Variants in MCC observed in about 807,000 individuals in gnomAD.
MCC encodes colorectal mutant cancer protein.
Under a neutral mutation model 116.2 loss-of-function variants are expected in MCC, and 90 were observed. The observed-to-expected ratio is 0.77, with a 90% CI of 0.65 to 0.92. The LOEUF is 0.92. Ranked by LOEUF, MCC falls within the 40% of genes least tolerant of loss-of-function variation. The probability of loss-of-function intolerance (pLI) is 0.00; values close to 1 mark genes in which losing one functional copy is unlikely to be tolerated. For synonymous variants in MCC, 578 were observed against 510.5 expected, an observed-to-expected ratio of 1.13 and a Z score of -1.78; for missense variants, 1,516 against 1,312.2, an observed-to-expected ratio of 1.16 and a Z score of -2.40.
intron 1 of MCC, among the ~76,000 whole-genome samples, chr5:113,424,775 A>G (rs1043963277): frequency 2.6e-5 from 4 of 152,040 alleles, no homozygotes; most frequent in Non-Finnish European, 5.9e-5. Flanking sequence ...TTAACAAAAA[A>G]CTCTTAAAAA....
chr5:113,034,349 G>C (rs796651233), intron 17 of MCC, among the ~76,000 whole-genome samples: 2 of 152,334 alleles, frequency 1.3e-5, no homozygotes, highest in African/African-American at 4.8e-5. Context: ...AGCAAGCCTC[G>C]GAAGTGGTGC....
intron 3 of MCC, among the ~76,000 whole-genome samples, chr5:113,253,978 G>C (rs77255170): frequency 4.6e-5 from 7 of 152,252 alleles, no homozygotes; most frequent in African/African-American, 1.7e-4. Flanking sequence ...AGTAAATCCA[G>C]GAAGCCTAAC....
At chr5:113,339,654 T>C (rs879368143) in intron 3 of MCC, among the ~76,000 whole-genome samples, 8 of 152,320 alleles carry the variant, frequency 5.3e-5, no homozygotes, top group East Asian at 1.9e-4. Flanking sequence ...TTTCTGATGA[T>C]TGTATTTTAA....
At chr5:113,331,812 A>G (rs1049563729) in intron 3 of MCC, among the ~76,000 whole-genome samples, 2 of 151,218 alleles carry the variant, frequency 1.3e-5, no homozygotes, top group African/African-American at 4.9e-5. Context: ...TAATTTTTGT[A>G]TTATTAGTAG....
chr5:113,031,274 CGT>C (rs974602536), intron 17 of MCC, among the ~76,000 whole-genome samples: 3 of 152,142 alleles, frequency 2.0e-5, no homozygotes, highest in Admixed American at 1.3e-4. Context: ...CTGGAAGGAG[CGT>C]GTGTTTTTCC....
At chr5:113,463,958 C>T (rs936837935) in intron 1 of MCC, among the ~76,000 whole-genome samples, 25 of 152,212 alleles carry the variant, frequency 1.6e-4, no homozygotes, top group Admixed American at 1.2e-3. Flanking sequence ...GGTGGGAGAA[C>T]AGCAAGAAGA....
At chr5:113,134,386 G>A (rs553577953) in intron 5 of MCC, among the ~76,000 whole-genome samples, 42 of 152,164 alleles carry the variant, frequency 2.8e-4, no homozygotes, top group African/African-American at 1.0e-3. Flanking sequence ...CTGTAGATGA[G>A]TAGATTTATT....
chr5:113,362,213 G>T (rs552575982), intron 2 of MCC, among the ~76,000 whole-genome samples: 2 of 152,316 alleles, frequency 1.3e-5, no homozygotes, highest in South Asian at 4.1e-4. Flanking sequence ...CAGCTGGAGT[G>T]CTGTGGTTTC....
At chr5:113,092,138 G>A (rs1338837888) in intron 8 of MCC, among the ~76,000 whole-genome samples, 1 of 152,096 alleles carries the variant, frequency 6.6e-6, no homozygotes, top group Non-Finnish European at 1.5e-5. Flanking sequence ...AGGCATCCAC[G>A]CCCTAAACCC....
intron 1 of MCC, among the ~76,000 whole-genome samples, chr5:113,386,814 T>C (rs78792502): frequency 4.0e-5 from 6 of 149,710 alleles, no homozygotes; most frequent in African/African-American, 7.5e-5. Context: ...CATATACACA[T>C]ACACATATAT....
chr5:113,148,321 A>C (rs1258067644), intron 4 of MCC, among the ~76,000 whole-genome samples: 1 of 152,192 alleles, frequency 6.6e-6, no homozygotes, highest in Non-Finnish European at 1.5e-5. Flanking sequence ...CTTCCCCATC[A>C]CATTGGTATT....
intron 3 of MCC, among the ~76,000 whole-genome samples, chr5:113,316,404 G>A (rs180685380): frequency 2.6e-3 from 397 of 152,154 alleles, no homozygotes; most frequent in Non-Finnish European, 3.0e-3. Context: ...CAAATACCAA[G>A]AAAAAGAGAA....
At chr5:113,071,452 A>C (rs1463617522) in intron 11 of MCC, among the ~76,000 whole-genome samples, 1 of 152,170 alleles carries the variant, frequency 6.6e-6, no homozygotes, top group East Asian at 1.9e-4. Context: ...GGTTAAAAAT[A>C]AGCCCCCCAG....
intron 3 of MCC, among the ~76,000 whole-genome samples, chr5:113,229,924 T>G (rs1763881232): frequency 6.6e-6 from 1 of 152,180 alleles, no homozygotes; most frequent in Admixed American, 6.5e-5. Flanking sequence ...ACTGATCCCC[T>G]AACAACACAT....
intron 3 of MCC, among the ~76,000 whole-genome samples, chr5:113,273,842 T>C (rs574143110): frequency 6.6e-6 from 1 of 152,092 alleles, no homozygotes; most frequent in Non-Finnish European, 1.5e-5. Flanking sequence ...GTGAGCAATA[T>C]CAAGCCTGGA....
intron 3 of MCC, among the ~76,000 whole-genome samples, chr5:113,192,407 G>A (rs1268433257): frequency 6.6e-6 from 1 of 152,090 alleles, no homozygotes; most frequent in Non-Finnish European, 1.5e-5. Flanking sequence ...TCTCAACATG[G>A]GATTACATAT....
At chr5:113,085,364 A>C (rs902551320) in intron 8 of MCC, 54 bp from the exon 9 acceptor site, 19 of 1,539,844 alleles carry the variant, frequency 1.2e-5, no homozygotes, top group Non-Finnish European at 1.6e-5. Context: ...CTAAAGAGCA[A>C]AACAGCCAGA....
At chr5:113,352,762 C>T (rs1387758971) in intron 2 of MCC, among the ~76,000 whole-genome samples, 2 of 152,012 alleles carry the variant, frequency 1.3e-5, no homozygotes, top group Non-Finnish European at 2.9e-5. Context: ...TTTTTCTTCT[C>T]AACATTTGAA....
At chr5:113,159,308 T>C (rs2150296178) in intron 3 of MCC, among the ~76,000 whole-genome samples, 2 of 152,240 alleles carry the variant, frequency 1.3e-5, no homozygotes, top group Middle Eastern at 3.4e-3. Context: ...CCCAGAAAAA[T>C]CTGCTGAAGC....
Sources: gnomAD v4.1 joint callset for allele counts (sites outside exome capture counted in the v4.1 genomes callset) on GRCh38, gnomAD v4.1.1 for gene constraint, MANE v1.5 for transcripts, NCBI Gene and HGNC (gene_info 2026-07-23, HGNC 2026-07-21) for gene names.